The following SPAG16 variants were observed in gnomAD, a reference collection of about 807,000 sequenced individuals.
The protein encoded by SPAG16 is sperm-associated antigen 16 protein.
Under a neutral mutation model 80.4 loss-of-function variants are expected in SPAG16, and 86 were observed. The observed-to-expected ratio is 1.07, with a 90% CI of 0.90 to 1.28. SPAG16 has a LOEUF of 1.28. SPAG16 is among the 50% of genes most tolerant of loss of function. The pLI is 0.00. For missense variants in SPAG16, 870 were observed against 765.3 expected, an observed-to-expected ratio of 1.14 and a Z score of -1.61; for synonymous variants, 294 against 265.9, an observed-to-expected ratio of 1.11 and a Z score of -1.03.
In SPAG16 at chr2:213,490,049, G is replaced by A. The variant is rs1457717283; in HGVS notation, c.1029G>A (p.Lys343=). 6.2e-7 allele frequency: 1 copy of A among 1,608,734 alleles called. No individual in the cohort carries two copies. The highest frequency in any genetic ancestry group is 8.5e-7 in the Non-Finnish European group (1 of 1,177,610). The part of the protein sequence containing the change: ...ESLSPAKFDY[K]LKNIFRLHEL... ...TTTCTCCAGCAAAATTTGACTACAAGCTGAAAAACATTTTTAGACTCCATG... is the reference window on the plus strand; with the variant it reads ...TTTCTCCAGCAAAATTTGACTACAAACTGAAAAACATTTTTAGACTCCATG... Residue 343 remains lysine (K), a synonymous_variant, in exon 10 of 16, where the codon AAG becomes AAA. Transcript: ENST00000331683.
intron 9 of SPAG16, among the ~76,000 whole-genome samples, chr2:213,481,810 T>G (rs2073764301): frequency 6.6e-6 from 1 of 152,230 alleles, no homozygotes; most frequent in Non-Finnish European, 1.5e-5. Context: ...TGGATCATTA[T>G]TCCCATTTCT....
chr2:213,449,517 G>A (rs1264480778), intron 9 of SPAG16, among the ~76,000 whole-genome samples: 1 of 152,214 alleles, frequency 6.6e-6, no homozygotes, highest in East Asian at 1.9e-4. Flanking sequence ...CTACCGATAT[G>A]TGATGTCACC....
At chr2:214,389,032 C>T (rs184888812) in intron 15 of SPAG16, among the ~76,000 whole-genome samples, 1 of 152,262 alleles carries the variant, frequency 6.6e-6, no homozygotes, top group Admixed American at 6.5e-5. Context: ...CTGTATCACC[C>T]TGAAATCACT....
chr2:214,216,077 A>G (rs1255816573), intron 15 of SPAG16, among the ~76,000 whole-genome samples: 2 of 152,236 alleles, frequency 1.3e-5, no homozygotes, highest in Admixed American at 1.3e-4. Flanking sequence ...CCTCAGGACA[A>G]TAAAATTAGC....
At chr2:213,666,014 G>A (rs552860245) in intron 10 of SPAG16, among the ~76,000 whole-genome samples, 2 of 152,296 alleles carry the variant, frequency 1.3e-5, no homozygotes, top group East Asian at 3.9e-4. Context: ...TTGGACCTTA[G>A]TTAGAAACAT....
At chr2:214,196,351 C>A (rs2057838051) in intron 15 of SPAG16, among the ~76,000 whole-genome samples, 1 of 152,046 alleles carries the variant, frequency 6.6e-6, no homozygotes, top group Admixed American at 6.6e-5. Flanking sequence ...ATCTCTTCTG[C>A]ATCCAGAGGA....
At chr2:213,608,924 C>T (rs2061355223) in intron 10 of SPAG16, among the ~76,000 whole-genome samples, 1 of 152,220 alleles carries the variant, frequency 6.6e-6, no homozygotes, top group Non-Finnish European at 1.5e-5. Context: ...ACCTTGTGAT[C>T]TGCCCGCCTC....
intron 10 of SPAG16, among the ~76,000 whole-genome samples, chr2:213,500,004 G>T (rs1186877192): frequency 6.6e-6 from 1 of 152,064 alleles, no homozygotes. Context: ...AATTTTGACA[G>T]CCAGTTAACC....
intron 10 of SPAG16, among the ~76,000 whole-genome samples, chr2:213,788,739 A>G (rs910791977): frequency 6.6e-6 from 1 of 151,906 alleles, no homozygotes; most frequent in Admixed American, 6.6e-5. Context: ...TGCCTAGAAT[A>G]TACTCAATTA....
chr2:214,215,789 T>C lies in SPAG16; in HGVS notation c.1720+66523T>C, dbSNP rs2058417361. ...TACACTCCTCTGTCAACCATTACTA[T>C]AAGCTTAATCTGTCAATATTGTCAA... On this transcript the variant is annotated intron_variant, in intron 15 of 15. Transcript: ENST00000331683. Among the ~76,000 whole-genome samples, 2 of 152,232 alleles carry C rather than the reference T, an allele frequency of 1.3e-5. 1 individual carries two copies. The highest frequency in any genetic ancestry group is 4.1e-4 in the South Asian group (2 of 4,836).
intron 9 of SPAG16, among the ~76,000 whole-genome samples, chr2:213,433,759 A>T (rs764107532): frequency 6.6e-6 from 1 of 152,136 alleles, no homozygotes; most frequent in Non-Finnish European, 1.5e-5. Context: ...TAAAATTTAT[A>T]TGGAATCATA....
intron 9 of SPAG16, among the ~76,000 whole-genome samples, chr2:213,389,829 C>G (rs908140831): frequency 6.6e-6 from 1 of 152,024 alleles, no homozygotes; most frequent in African/African-American, 2.4e-5. Flanking sequence ...TATGACAGTT[C>G]CTCAAAAAAT....
In SPAG16 at chr2:214,166,922, A is replaced by T. The variant is rs192693282; in HGVS notation, c.1720+17656A>T. Among the ~76,000 whole-genome samples, 231 of 152,264 alleles carry T rather than the reference A, an allele frequency of 1.5e-3. 3 individuals carry two copies. Among genetic ancestry groups the T allele is most frequent in the Admixed American group, 0.014 (210 of 15,282 alleles). ...ACCAAGAAGAGCTGGTATCTTTTTAACTTGTTTTAATTGGCCATATTGGTC... is the reference window on the plus strand; with the variant it reads ...ACCAAGAAGAGCTGGTATCTTTTTATCTTGTTTTAATTGGCCATATTGGTC... On this transcript the variant is annotated intron_variant, in intron 15 of 15. Coordinates refer to ENST00000331683, the MANE Select transcript of SPAG16 (RefSeq NM_024532.5).
At chr2:214,218,250 G>A (rs1323864011) in intron 15 of SPAG16, among the ~76,000 whole-genome samples, 1 of 152,138 alleles carries the variant, frequency 6.6e-6, no homozygotes, top group Non-Finnish European at 1.5e-5. Flanking sequence ...ATAGATCTGG[G>A]GTTGGAAAAG....
intron 12 of SPAG16, among the ~76,000 whole-genome samples, chr2:213,994,439 A>G (rs73987111): frequency 0.076 from 11,552 of 152,250 alleles, 463 homozygotes; most frequent in South Asian, 0.11. Context: ...GCCATGTTAT[A>G]TCATTCTGGT....
At chr2:214,061,928 T>C (rs1365874402) in intron 13 of SPAG16, among the ~76,000 whole-genome samples, 1 of 150,714 alleles carries the variant, frequency 6.6e-6, no homozygotes, top group Non-Finnish European at 1.5e-5. Context: ...GTTCCCAGTG[T>C]TTGTTATCCA....
intron 11 of SPAG16, among the ~76,000 whole-genome samples, chr2:213,905,301 C>A (rs2077389018): frequency 6.6e-6 from 1 of 152,220 alleles, no homozygotes; most frequent in South Asian, 2.1e-4. Flanking sequence ...GTGATAATAT[C>A]TTCCAGCATA....
At chr2:214,347,912 A>G (rs1698163001) in intron 15 of SPAG16, among the ~76,000 whole-genome samples, 1 of 152,204 alleles carries the variant, frequency 6.6e-6, no homozygotes, top group African/African-American at 2.4e-5. Context: ...CAAGGAAAGC[A>G]TCAAGACCTC....
intron 10 of SPAG16, among the ~76,000 whole-genome samples, chr2:213,658,838 C>T (rs189139212): frequency 6.6e-6 from 1 of 152,166 alleles, no homozygotes; most frequent in South Asian, 2.1e-4. Flanking sequence ...GGAGATGAGA[C>T]CATCCTGGCC....
Sources: allele counts gnomAD v4.1 joint callset (sites outside exome capture counted in the v4.1 genomes callset), GRCh38; gene constraint gnomAD v4.1.1; transcripts MANE v1.5; gene names NCBI Gene and HGNC (gene_info 2026-07-23, HGNC 2026-07-21).